Variants in PDE1C observed in about 807,000 individuals in gnomAD.
The protein encoded by PDE1C is phosphodiesterase 1C.
PDE1C carries 62 observed loss-of-function variants against 93.1 expected under a neutral mutation model. The observed-to-expected ratio is 0.67, with a 90% CI of 0.54 to 0.82. The LOEUF (loss-of-function observed/expected upper bound fraction) is 0.82, where lower values mean the gene tolerates loss of function less well. Ranked by LOEUF, PDE1C falls within the 40% of genes least tolerant of loss-of-function variation. The pLI, the probability that PDE1C is intolerant of heterozygous loss-of-function variation, is 0.00. For missense variants in PDE1C, 742 were observed against 884.6 expected, an observed-to-expected ratio of 0.84 and a Z score of 2.04; for synonymous variants, 325 against 310.1, an observed-to-expected ratio of 1.05 and a Z score of -0.50.
chr7:31,871,873 AAAAG>A (rs570306558), intron 6 of PDE1C, among the ~76,000 whole-genome samples: 5 of 152,134 alleles, frequency 3.3e-5, no homozygotes, highest in East Asian at 1.9e-4. Flanking sequence ...TATTTATTAA[AAAAG>A]AAAGAAAGAA....
At chr7:31,930,994 T>C (rs557933429) in intron 2 of PDE1C, among the ~76,000 whole-genome samples, 1 of 151,742 alleles carries the variant, frequency 6.6e-6, no homozygotes, top group African/African-American at 2.4e-5. Flanking sequence ...AACCACATGA[T>C]TATCTCAATA....
chr7:32,306,978 G>A (rs73687127), intron 1 of PDE1C, among the ~76,000 whole-genome samples: 237 of 152,242 alleles, frequency 1.6e-3, no homozygotes, highest in African/African-American at 5.2e-3. Context: ...ATCTGATTCC[G>A]GACTCTCTCA....
the PDE1C span, among the ~76,000 whole-genome samples, chr7:31,647,517 A>G: frequency 6.6e-6 from 1 of 151,618 alleles, no homozygotes; most frequent in Non-Finnish European, 1.5e-5. Flanking sequence ...CAAAAAAAAA[A>G]AAAAAAATTA....
chr7:31,692,622 G>C, the PDE1C span: 1 of 1,113,688 alleles, frequency 9.0e-7, no homozygotes, highest in Non-Finnish European at 1.3e-6. Flanking sequence ...GGCACCCCCC[G>C]AAACCTGATA....
chr7:31,884,677 C>T (rs1797666469), intron 2 of PDE1C, among the ~76,000 whole-genome samples: 1 of 152,178 alleles, frequency 6.6e-6, no homozygotes, highest in Non-Finnish European at 1.5e-5. Flanking sequence ...GCCCACCTTT[C>T]TCTAGCTCTT....
intron 1 of PDE1C, among the ~76,000 whole-genome samples, chr7:32,069,216 C>T (rs1436036450): frequency 6.6e-6 from 1 of 152,144 alleles, no homozygotes; most frequent in Non-Finnish European, 1.5e-5. Flanking sequence ...TCCTTAGAAA[C>T]TTTGAATATC....
the PDE1C span, among the ~76,000 whole-genome samples, chr7:31,627,987 A>G: frequency 3.3e-5 from 5 of 152,166 alleles, no homozygotes; most frequent in Non-Finnish European, 7.3e-5. Context: ...GATTCAAGGA[A>G]CCAACAAGAA....
chr7:31,711,820 T>G, the PDE1C span, among the ~76,000 whole-genome samples: 1 of 152,202 alleles, frequency 6.6e-6, no homozygotes, highest in Admixed American at 6.5e-5. Flanking sequence ...GGAGCCCTCC[T>G]GAAGATCTTC....
chr7:32,232,248 G>A (rs34796227), intron 1 of PDE1C, among the ~76,000 whole-genome samples: 16,005 of 152,170 alleles, frequency 0.11, 905 homozygotes, highest in East Asian at 0.13. Flanking sequence ...GGACATCAGC[G>A]TGAATGAAGA....
chr7:32,091,911 A>C (rs1797492472), intron 3 of PDE1C, among the ~76,000 whole-genome samples: 1 of 152,212 alleles, frequency 6.6e-6, no homozygotes, highest in Non-Finnish European at 1.5e-5. Flanking sequence ...GTTCCCAGGC[A>C]AAAGATGGTG....
intron 16 of PDE1C, among the ~76,000 whole-genome samples, chr7:31,794,748 G>A (rs1420577991): frequency 6.6e-6 from 1 of 151,930 alleles, no homozygotes; most frequent in Admixed American, 6.6e-5. Flanking sequence ...GTAGAGTTAA[G>A]CACCCTTGTC....
chr7:32,170,718 T>C (rs75580144), intron 2 of PDE1C, among the ~76,000 whole-genome samples: 2,488 of 152,278 alleles, frequency 0.016, 70 homozygotes, highest in African/African-American at 0.057. Flanking sequence ...CCCAATAGTA[T>C]GCCTGAGTCA....
chr7:32,188,077 A>T (rs1803997667), intron 2 of PDE1C, among the ~76,000 whole-genome samples: 1 of 152,212 alleles, frequency 6.6e-6, no homozygotes, highest in African/African-American at 2.4e-5. Flanking sequence ...TAAATTCAAC[A>T]TATTTCTCAG....
chr7:31,863,466 C>T (rs1794913019), intron 7 of PDE1C, among the ~76,000 whole-genome samples: 1 of 152,054 alleles, frequency 6.6e-6, no homozygotes, highest in Non-Finnish European at 1.5e-5. Flanking sequence ...ATGTGGGTAT[C>T]CCTGTCTTGC....
At position 32,203,444 on chromosome 7, in the gene PDE1C, C is replaced by G. The variant is rs371071639; in HGVS notation, c.136+6045G>C. On this transcript the variant is annotated intron_variant, in intron 2 of 18. Transcript: ENST00000396193. ...ACCAACCCCAGCGATCACCCCACTGCACATCTCTGCCTTCCATTTCCCATC... is the reference window on the plus strand; with the variant it reads ...ACCAACCCCAGCGATCACCCCACTGGACATCTCTGCCTTCCATTTCCCATC... 1.3e-3 allele frequency among the ~76,000 whole-genome samples: 204 copies of G among 152,266 alleles called. 2 individuals are homozygous for G. In the South Asian group the frequency reaches 0.014, roughly 10 times the overall value.
intron 1 of PDE1C, among the ~76,000 whole-genome samples, chr7:32,417,028 G>C (rs1785288929): frequency 6.6e-6 from 1 of 152,168 alleles, no homozygotes; most frequent in Non-Finnish European, 1.5e-5. Flanking sequence ...ACATAGCACA[G>C]ACTAAGGAGA....
intron 16 of PDE1C, among the ~76,000 whole-genome samples, chr7:31,803,385 T>C (rs60649162): frequency 0.079 from 11,806 of 149,612 alleles, 962 homozygotes; most frequent in African/African-American, 0.21. Flanking sequence ...TTTCAATTGG[T>C]TGGGCTTTTT....
the PDE1C span, among the ~76,000 whole-genome samples, chr7:31,745,982 T>C: frequency 6.6e-6 from 1 of 152,150 alleles, no homozygotes; most frequent in Non-Finnish European, 1.5e-5. Flanking sequence ...GATCTCTCTG[T>C]AAAATGTTCG....
At chr7:31,701,524 T>C in the PDE1C span, among the ~76,000 whole-genome samples, 3 of 152,258 alleles carry the variant, frequency 2.0e-5, no homozygotes, top group Non-Finnish European at 4.4e-5. Context: ...GAATATTATG[T>C]AAACTTAGTT....
Sources: allele counts gnomAD v4.1 joint callset (sites outside exome capture counted in the v4.1 genomes callset), GRCh38; gene constraint gnomAD v4.1.1; transcripts MANE v1.5; gene names NCBI Gene and HGNC (gene_info 2026-07-23, HGNC 2026-07-21).